ARHGAP18: variants seen among roughly 807,000 people sequenced by gnomAD.
The protein encoded by ARHGAP18 is Rho GTPase activating protein 18, also known as rho GTPase-activating protein 18.
Under a neutral mutation model 86.2 loss-of-function variants are expected in ARHGAP18, and 67 were observed. That is an observed-to-expected ratio of 0.78 (90% CI 0.64 to 0.95). The LOEUF (loss-of-function observed/expected upper bound fraction) is 0.95, where lower values mean the gene tolerates loss of function less well. Among genes scored for constraint, ARHGAP18 ranks in the 40% least tolerant of loss-of-function variants. The probability of loss-of-function intolerance (pLI) is 0.00; values close to 1 mark genes in which losing one functional copy is unlikely to be tolerated. For synonymous variants in ARHGAP18, 283 were observed against 280.4 expected (o/e 1.01, Z -0.09); for missense variants, 691 against 780.4 (o/e 0.89, Z 1.37).
chr6:129,633,984 C>T, intron 4 of ARHGAP18, 58 bp downstream of exon 4: 1 of 1,428,474 alleles, frequency 7.0e-7, no homozygotes, highest in Non-Finnish European at 9.6e-7. Context: ...AAGACTGTAA[C>T]TGTTATACTA....
At chr6:129,652,084 T>C (rs1773725312) in intron 1 of ARHGAP18, among the ~76,000 whole-genome samples, 1 of 152,256 alleles carries the variant, frequency 6.6e-6, no homozygotes, top group Non-Finnish European at 1.5e-5. Context: ...ATTTCTGTTG[T>C]TTATAGGCCA....
intron 10 of ARHGAP18, 86 bp downstream of exon 10, chr6:129,605,791 T>TAC (rs1788840219): frequency 8.2e-7 from 1 of 1,221,108 alleles, no homozygotes; most frequent in Non-Finnish European, 1.2e-6. Context: ...ATGTCCAAGA[T>TAC]ACACATCTTA....
intron 1 of ARHGAP18, among the ~76,000 whole-genome samples, chr6:129,686,557 G>A (rs768953532): frequency 6.6e-6 from 1 of 152,174 alleles, no homozygotes; most frequent in African/African-American, 2.4e-5. Context: ...ACAGGGCACC[G>A]ACTTCTTCAA....
At position 129,616,248 on chromosome 6, in the gene ARHGAP18, T is replaced by C. The variant is rs1789095360; in HGVS notation, c.1008A>G (p.Lys336=). The change falls in exon 7 of 15, where the codon AAA becomes AAG. Residue 336 remains lysine, a synonymous_variant. Transcript: ENST00000368149. ...TCAAGGGTATTCGCATTCCTGGTAC[T>C]TTCCTCTGATCTTGTTCTAATAGCG... ...LTALLEQDQR[K]VPGMRIPLIF... is the part of the protein sequence containing the mutation. The C allele has an allele frequency of 6.2e-7, 1 of 1,611,714 alleles. No individual in the cohort carries two copies. The highest frequency in any genetic ancestry group is 1.3e-5 in the African/African-American group (1 of 74,908).
chr6:129,613,146 T>C (rs971727133), intron 7 of ARHGAP18, among the ~76,000 whole-genome samples: 4 of 148,054 alleles, frequency 2.7e-5, no homozygotes, highest in African/African-American at 1.0e-4. Flanking sequence ...GGCAGGAGAA[T>C]GGTGTGAACC....
chr6:129,697,536 C>T (rs1392929387), intron 1 of ARHGAP18, among the ~76,000 whole-genome samples: 1 of 152,080 alleles, frequency 6.6e-6, no homozygotes, highest in Non-Finnish European at 1.5e-5. Flanking sequence ...TCTAGTCATC[C>T]ACTTCATTCA....
At chr6:129,600,127 T>C (rs551176060) in intron 11 of ARHGAP18, among the ~76,000 whole-genome samples, 32 of 152,276 alleles carry the variant, frequency 2.1e-4, no homozygotes, top group African/African-American at 7.7e-4. Flanking sequence ...GGAATTCCTT[T>C]AGGTCATTTT....
intron 1 of ARHGAP18, among the ~76,000 whole-genome samples, chr6:129,707,650 GTT>G (rs57719259): frequency 0.015 from 1,617 of 107,864 alleles, 12 homozygotes; most frequent in African/African-American, 0.022. Context: ...GTGGTTTCTT[GTT>G]TTTTTTTTTT....
At chr6:129,640,564 C>T (rs142744444) in intron 2 of ARHGAP18, among the ~76,000 whole-genome samples, 6 of 152,044 alleles carry the variant, frequency 3.9e-5, no homozygotes, top group African/African-American at 1.2e-4. Context: ...ATAAGTTAAC[C>T]GTAGTGTTTT....
chr6:129,692,686 G>C (rs944153052), intron 1 of ARHGAP18, among the ~76,000 whole-genome samples: 2 of 152,240 alleles, frequency 1.3e-5, no homozygotes, highest in East Asian at 3.9e-4. Context: ...ATGTCATACA[G>C]GGACACCTTG....
chr6:129,617,930 C>T (rs1789129564), intron 6 of ARHGAP18, among the ~76,000 whole-genome samples: 1 of 152,128 alleles, frequency 6.6e-6, no homozygotes, highest in South Asian at 2.1e-4. Flanking sequence ...TTAGGAGATA[C>T]TTCTAAGGTT....
chr6:129,673,534 A>G (rs908964115), intron 1 of ARHGAP18, among the ~76,000 whole-genome samples: 19 of 152,214 alleles, frequency 1.2e-4, no homozygotes, highest in Non-Finnish European at 2.6e-4. Context: ...CTATTAGTCA[A>G]CAATGATTCA....
At chr6:129,591,674 A>G (rs1788517911) in intron 12 of ARHGAP18, among the ~76,000 whole-genome samples, 1 of 152,186 alleles carries the variant, frequency 6.6e-6, no homozygotes, top group Admixed American at 6.5e-5. Context: ...TTAGAAATTT[A>G]ATGTCAGACC....
At position 129,692,994 on chromosome 6, in the gene ARHGAP18, C is replaced by T. The variant is rs117415944; in HGVS notation, c.113+17030G>A. Among the ~76,000 whole-genome samples the T allele has an allele frequency of 4.7e-4, 71 of 152,332 alleles. 1 individual carries two copies. In the East Asian group the frequency reaches 0.012, roughly 25 times the overall value. ...TTTAATCAAAGGCACTTTTGAACCA[C>T]CAAATAGGTCATTTTATTTTAGAAC... On this transcript the variant is annotated intron_variant, in intron 1 of 14. Transcript: ENST00000368149.
intron 1 of ARHGAP18, among the ~76,000 whole-genome samples, chr6:129,701,536 C>T (rs1386534947): frequency 6.6e-6 from 1 of 152,218 alleles, no homozygotes; most frequent in African/African-American, 2.4e-5. Flanking sequence ...CTTTGGGAGG[C>T]TGAGGTGGGC....
intron 1 of ARHGAP18, among the ~76,000 whole-genome samples, chr6:129,645,689 C>A (rs1488755596): frequency 6.6e-6 from 1 of 152,190 alleles, no homozygotes; most frequent in Admixed American, 6.5e-5. Context: ...CAGAGTTGCT[C>A]TATAAAGAAT....
intron 1 of ARHGAP18, among the ~76,000 whole-genome samples, chr6:129,652,631 C>T (rs1773739045): frequency 1.3e-5 from 2 of 152,168 alleles, no homozygotes; most frequent in Admixed American, 6.5e-5. Flanking sequence ...AAATTTACGC[C>T]AAGATACAAA....
At chr6:129,691,651 G>A (rs1008156191) in intron 1 of ARHGAP18, among the ~76,000 whole-genome samples, 1 of 151,832 alleles carries the variant, frequency 6.6e-6, no homozygotes, top group African/African-American at 2.4e-5. Context: ...AGTGCTTCTC[G>A]GGCCACCTAA....
At chr6:129,639,636 A>G (rs545225967) in intron 2 of ARHGAP18, among the ~76,000 whole-genome samples, 1 of 152,336 alleles carries the variant, frequency 6.6e-6, no homozygotes, top group African/African-American at 2.4e-5. Flanking sequence ...TTTCTATACT[A>G]TATAAACTTC....
Sources: gnomAD v4.1 joint callset for allele counts (sites outside exome capture counted in the v4.1 genomes callset) on GRCh38, gnomAD v4.1.1 for gene constraint, MANE v1.5 for transcripts, NCBI Gene and HGNC (gene_info 2026-07-23, HGNC 2026-07-21) for gene names.